Variants in PRKAG1 observed in about 807,000 individuals in gnomAD.
The protein encoded by PRKAG1 is protein kinase AMP-activated non-catalytic subunit gamma 1.
A neutral mutation model predicts 48.2 loss-of-function variants in PRKAG1; 27 were observed. That is an observed-to-expected ratio of 0.56 (90% CI 0.41 to 0.77). The LOEUF is 0.77. Ranked by LOEUF, PRKAG1 falls within the 30% of genes least tolerant of loss-of-function variation. PRKAG1 has a pLI of 0.00. For synonymous variants in PRKAG1, 130 were observed against 147.7 expected (o/e 0.88, Z 0.87); for missense variants, 287 against 398.3 (o/e 0.72, Z 2.38).
chr12:49,005,442 T>C lies in PRKAG1; in HGVS notation c.250+20A>G. The stretch of plus-strand genomic sequence containing the variant: ...AGCACAAGATGCCAATAATATTGTG[T>C]TCCAGAAACTTTTGCTTACCCACAA... On this transcript the variant is annotated intron_variant, in intron 4 of 11. Coordinates refer to ENST00000548065, the MANE Select transcript of PRKAG1 (RefSeq NM_002733.5). The surrounding 1 kb of genome is among the most constrained non-coding windows in gnomAD (Gnocchi z 4.1). 1 of 1,614,036 alleles carries C rather than the reference T, an allele frequency of 6.2e-7. No individual in the cohort carries two copies. Among genetic ancestry groups the C allele is most frequent in the Non-Finnish European group, 8.5e-7 (1 of 1,180,012 alleles).
chr12:49,005,201 T>C lies in PRKAG1; in HGVS notation c.310-36A>G. 6.2e-7 allele frequency: 1 copy of C among 1,613,788 alleles called. No individual in the cohort carries two copies. Among genetic ancestry groups the C allele is most frequent in the Non-Finnish European group, 8.5e-7 (1 of 1,179,668 alleles). ...AAGCAACAGAATTTGAGACCTGATCTCTCTGCTTCCTTAAGCCCTCGTGGC... is the reference window on the plus strand; with the variant it reads ...AAGCAACAGAATTTGAGACCTGATCCCTCTGCTTCCTTAAGCCCTCGTGGC... On this transcript the variant is annotated intron_variant, in intron 5 of 11. Coordinates refer to ENST00000548065, the MANE Select transcript of PRKAG1 (RefSeq NM_002733.5). This position sits in a 1 kb window ranked among gnomAD's most constrained non-coding sequence, Gnocchi z 4.1.
At chr12:49,006,004 TC>T in intron 2 of PRKAG1, 152 bp from the exon 3 acceptor site, 1 of 606,332 alleles carries the variant, frequency 1.6e-6, no homozygotes. Flanking sequence ...TCCTATTGTT[TC>T]CACAAAACCT....
intron 1 of PRKAG1, chr12:49,018,315 A>G (rs757816288): frequency 8.4e-6 from 3 of 357,304 alleles, no homozygotes; most frequent in Non-Finnish European, 1.3e-5. Flanking sequence ...CAGAAAGACC[A>G]TCGAGGTCCA....
chr12:49,003,831 G>T lies in PRKAG1; in HGVS notation c.629C>A (p.Thr210Asn). 6.2e-7 allele frequency: 1 copy of T among 1,614,114 alleles called. No individual in the cohort carries two copies. The highest frequency in any genetic ancestry group is 8.5e-7 in the Non-Finnish European group (1 of 1,179,990). The change falls in exon 9 of 12, where the codon ACC (threonine) becomes AAC (asparagine). Residue 210 changes from threonine (T) to asparagine (N), a missense_variant. Physicochemically the swap from Thr to Asn is moderately conservative, Grantham distance 65. Around this residue, in one of 2 missense-constraint regions of PRKAG1, gnomAD observed 224 missense variants for 344.3 expected, o/e 0.65. Transcript: ENST00000548065. ...CCCCAGAGCCACATAGACGGGGGTG[G>T]TAGTGCGAACCATAGCAATATTGGC... ...TYANIAMVRTTTPVYVALGIF... is the reference protein window; with the variant it reads ...TYANIAMVRTNTPVYVALGIF...
rs200581413 is a variant in PRKAG1, at chr12:49,003,811, G to A, written c.649C>T (p.Leu217=). The A allele has an allele frequency of 3.7e-6, 6 of 1,614,086 alleles. No individual in the cohort carries two copies. Among genetic ancestry groups the A allele is most frequent in the East Asian group, 4.5e-5 (2 of 44,888 alleles). Residue 217 remains leucine (L), a synonymous_variant, in exon 9 of 12, where the codon CTG becomes TTG. Coordinates refer to ENST00000548065, the MANE Select transcript of PRKAG1 (RefSeq NM_002733.5). ...VRTTTPVYVA[L]GIFVQHRVSA... is the part of the protein sequence containing the mutation. Reference sequence around the variant, plus strand: ...ACTCGATGCTGTACAAAAATCCCCAGAGCCACATAGACGGGGGTGGTAGTG... The same window carrying A: ...ACTCGATGCTGTACAAAAATCCCCAAAGCCACATAGACGGGGGTGGTAGTG...
chr12:49,017,419 C>CCAG (rs1942034391), intron 1 of PRKAG1: 1 of 346,252 alleles, frequency 2.9e-6, no homozygotes, highest in Non-Finnish European at 5.6e-6. Flanking sequence ...ATCATGTTGC[C>CCAG]CAGGCTGATG....
intron 2 of PRKAG1, chr12:49,008,330 A>C (rs1439446293): frequency 1.3e-5 from 2 of 152,062 alleles, no homozygotes; most frequent in Non-Finnish European, 2.9e-5. Flanking sequence ...CAAATGCTTC[A>C]CCAACTATTT....
rs975720543 is a variant in PRKAG1, at chr12:49,015,196, G to A, written c.10-2086C>T. On this transcript the variant is annotated intron_variant, in intron 1 of 11. Coordinates refer to ENST00000548065, the MANE Select transcript of PRKAG1 (RefSeq NM_002733.5). The stretch of plus-strand genomic sequence containing the variant: ...TCACTTATAAGTGGGAGAGAGGGCT[G>A]TGATAAAGATAGACACATGATATAT... Among the ~76,000 whole-genome samples the A allele has an allele frequency of 2.0e-5, 3 of 152,104 alleles. No individual in the cohort carries two copies. The East Asian group carries it at 5.8e-4, about 29-fold the overall frequency.
chr12:49,014,082 C>G (rs1941870809), intron 1 of PRKAG1, among the ~76,000 whole-genome samples: 1 of 152,124 alleles, frequency 6.6e-6, no homozygotes, highest in Non-Finnish European at 1.5e-5. Flanking sequence ...TGGGGTTTTA[C>G]CATGTTGGCC....
At position 49,005,735 on chromosome 12, in the gene PRKAG1, T is replaced by C. The variant is rs765123296; in HGVS notation, c.168+8A>G. On this transcript the variant is annotated splice_region_variant and intron_variant, in intron 3 of 11. Coordinates refer to ENST00000548065, the MANE Select transcript of PRKAG1 (RefSeq NM_002733.5). The surrounding 1 kb of genome is among the most constrained non-coding windows in gnomAD (Gnocchi z 4.1). ...CAAAGGGGGAAGGGAAAAGAGGATT[T>C]CACCCACCTGCAGGGACGTATCAAA... 6.2e-7 allele frequency: 1 copy of C among 1,612,482 alleles called. No homozygotes were observed. Among genetic ancestry groups the C allele is most frequent in the East Asian group, 2.2e-5 (1 of 44,864 alleles).
rs1941519454 is a variant in PRKAG1, at chr12:49,005,925, T to C, written c.59-73A>G. ...CAATCAAAAGAGACAGAAAACAAAA[T>C]AGTGTTCTAGTATCTCAAATATTTA... On this transcript the variant is annotated intron_variant, in intron 2 of 11. Coordinates refer to ENST00000548065, the MANE Select transcript of PRKAG1 (RefSeq NM_002733.5). This position sits in a 1 kb window ranked among gnomAD's most constrained non-coding sequence, Gnocchi z 4.1. 6 of 1,053,744 alleles carry C rather than the reference T, an allele frequency of 5.7e-6. No individual in the cohort carries two copies. The African/African-American group carries it at 6.4e-5, about 11-fold the overall frequency. 65.3% of individuals were successfully genotyped at this position (1,053,744 alleles called of 1,614,324 possible). A position where few individuals can be genotyped will look rare whatever the true frequency, so the allele number is the denominator to read the frequency against.
Position 49,018,758 on chromosome 12 carries a change from T to G in PRKAG1, c.-18A>C. 1 of 1,612,620 alleles carries G rather than the reference T, an allele frequency of 6.2e-7. No homozygotes were observed. Among genetic ancestry groups the G allele is most frequent in the Non-Finnish European group, 8.5e-7 (1 of 1,179,952 alleles). Reference sequence around the variant, plus strand: ...GTCTCCATTGCAAGAGGCGCCCGGCTTGGTTTCCTCGCTTTAGGAAACTCT... The same window carrying G: ...GTCTCCATTGCAAGAGGCGCCCGGCGTGGTTTCCTCGCTTTAGGAAACTCT... On this transcript the variant is annotated 5_prime_UTR_variant, in exon 1 of 12. Transcript: ENST00000548065.
chr12:49,003,518 C>CA (rs765841167), intron 10 of PRKAG1, 40 bp downstream of exon 10: 5 of 1,598,494 alleles, frequency 3.1e-6, no homozygotes, highest in South Asian at 2.2e-5. Context: ...GCCCCCCCCC[C>CA]ACCACTTCCC....
At chr12:49,014,885 C>T (rs1459488257) in intron 1 of PRKAG1, among the ~76,000 whole-genome samples, 3 of 152,222 alleles carry the variant, frequency 2.0e-5, no homozygotes, top group African/African-American at 4.8e-5. Flanking sequence ...CATCTGCTAG[C>T]ATCAACAGTC....
intron 2 of PRKAG1, among the ~76,000 whole-genome samples, chr12:49,006,319 C>T (rs1941533335): frequency 6.6e-6 from 1 of 152,052 alleles, no homozygotes; most frequent in African/African-American, 2.4e-5. Flanking sequence ...CAGAGGATCA[C>T]TTGAACCCAG....
intron 2 of PRKAG1, among the ~76,000 whole-genome samples, chr12:49,006,143 T>G (rs931618167): frequency 2.0e-5 from 3 of 152,210 alleles, no homozygotes; most frequent in African/African-American, 7.2e-5. Context: ...TAACATGTTA[T>G]AGTCTAAAAA....
In PRKAG1 at chr12:49,004,072, T is replaced by C. The variant is rs1941415919; in HGVS notation, c.538-150A>G. 4.5e-6 allele frequency: 5 copies of C among 1,100,202 alleles called. No homozygotes were observed. The East Asian group carries it at 1.3e-4, about 29-fold the overall frequency. The allele number at this position is 1,100,202 out of a possible 1,614,324, so 68.2% of individuals were successfully genotyped here. On this transcript the variant is annotated intron_variant, in intron 8 of 11. Transcript: ENST00000548065. ...TGGGAGGCTGAGGGGGACATATTGC[T>C]TGAGCCCAGGAGTTCGAGACCAGCC...
Position 49,017,330 on chromosome 12 carries a change from A to C in PRKAG1, c.9+1402T>G, listed in dbSNP as rs1404973363. On this transcript the variant is annotated intron_variant, in intron 1 of 11. Transcript: ENST00000548065. ...ATCCTCCCACCTGAGCCTCCCGAGT[A>C]GCTGGGACTACAGGCACACACCACC... is the stretch of plus-strand genomic sequence containing the variant. The C allele has an allele frequency of 2.5e-5, 10 of 401,890 alleles. No homozygotes were observed. In the Admixed American group the frequency reaches 3.1e-4, roughly 12 times the overall value. 24.9% of individuals were successfully genotyped at this position (401,890 alleles called of 1,614,324 possible).
chr12:49,004,382 T>C, intron 8 of PRKAG1, 125 bp downstream of exon 8: 1 of 1,281,898 alleles, frequency 7.8e-7, no homozygotes, highest in Non-Finnish European at 1.1e-6. Context: ...GGCGGGAGGA[T>C]CACTTGAGCT....
Sources: allele counts gnomAD v4.1 joint callset (sites outside exome capture counted in the v4.1 genomes callset), GRCh38; gene constraint gnomAD v4.1.1; regional missense constraint gnomAD v4.1.1; non-coding constraint Gnocchi (gnomAD v3.1); transcripts MANE v1.5; gene names NCBI Gene and HGNC (gene_info 2026-07-23, HGNC 2026-07-21).